RAPGEF1: variants seen among roughly 807,000 people sequenced by gnomAD.
The protein encoded by RAPGEF1 is CRK SH3-binding GNRP.
In RAPGEF1, 33 loss-of-function variants were observed where a neutral mutation model predicts 143.3. The ratio of observed to expected loss-of-function variants is 0.23; its 90% CI spans 0.17 to 0.31. RAPGEF1 has a LOEUF of 0.31. Ranked by LOEUF, RAPGEF1 falls within the 10% of genes least tolerant of loss-of-function variation. The pLI is 1.00. For synonymous variants in RAPGEF1, 629 were observed against 676.5 expected, an observed-to-expected ratio of 0.93 and a Z score of 1.09; for missense variants, 1,199 against 1,645.4, an observed-to-expected ratio of 0.73 and a Z score of 4.69.
intron 1 of RAPGEF1, among the ~76,000 whole-genome samples, chr9:131,689,447 A>G (rs1267824756): frequency 1.3e-5 from 2 of 152,244 alleles, no homozygotes; most frequent in East Asian, 3.8e-4. Flanking sequence ...AAGCATAAAT[A>G]TTAAGCATGA....
At chr9:131,653,983 T>C (rs1160164841) in intron 1 of RAPGEF1, among the ~76,000 whole-genome samples, 1 of 152,232 alleles carries the variant, frequency 6.6e-6, no homozygotes. Context: ...TACAACACAG[T>C]TGAACCTTGA....
chr9:131,707,967 C>T (rs200864892), intron 1 of RAPGEF1, among the ~76,000 whole-genome samples: 7 of 152,136 alleles, frequency 4.6e-5, no homozygotes, highest in Non-Finnish European at 7.3e-5. Flanking sequence ...CCCGAACTGT[C>T]CCCCAATGTC....
At chr9:131,597,526 C>T (rs1411228031) in intron 16 of RAPGEF1, among the ~76,000 whole-genome samples, 1 of 152,184 alleles carries the variant, frequency 6.6e-6, no homozygotes, top group African/African-American at 2.4e-5. Flanking sequence ...AAAACAGTTG[C>T]CTCCTGGTGC....
chr9:131,673,327 G>A (rs750394071), intron 1 of RAPGEF1, among the ~76,000 whole-genome samples: 28 of 152,218 alleles, frequency 1.8e-4, no homozygotes, highest in Non-Finnish European at 3.7e-4. Flanking sequence ...AAACATCAGT[G>A]TGTCCCAAAT....
intron 16 of RAPGEF1, among the ~76,000 whole-genome samples, chr9:131,596,768 G>A (rs1030905109): frequency 1.3e-5 from 2 of 152,164 alleles, no homozygotes; most frequent in African/African-American, 4.8e-5. Context: ...CCCCAGCCTT[G>A]CCCAGGATGC....
chr9:131,581,081 G>T (rs763070871), intron 25 of RAPGEF1, among the ~76,000 whole-genome samples: 2 of 152,082 alleles, frequency 1.3e-5, no homozygotes, highest in Non-Finnish European at 2.9e-5. Flanking sequence ...GGCGGAGGTT[G>T]CAGTGAGCCA....
chr9:131,627,836 G>T, intron 9 of RAPGEF1, 77 bp downstream of exon 9: 1 of 1,449,054 alleles, frequency 6.9e-7, no homozygotes, highest in Middle Eastern at 2.4e-4. Flanking sequence ...GCATGACCTG[G>T]GACTCCCACC....
At chr9:131,735,587 A>G (rs1335924781) in intron 1 of RAPGEF1, among the ~76,000 whole-genome samples, 1 of 152,232 alleles carries the variant, frequency 6.6e-6, no homozygotes, top group Admixed American at 6.5e-5. Flanking sequence ...GGGATGGAGT[A>G]ATGAGTCAAT....
intron 1 of RAPGEF1, among the ~76,000 whole-genome samples, chr9:131,733,192 T>C (rs1837191502): frequency 6.6e-6 from 1 of 152,082 alleles, no homozygotes; most frequent in African/African-American, 2.4e-5. Flanking sequence ...GGTTACCTAA[T>C]GGCCTTCTTA....
chr9:131,717,113 G>A (rs764849626), intron 1 of RAPGEF1, among the ~76,000 whole-genome samples: 6 of 152,264 alleles, frequency 3.9e-5, no homozygotes, highest in East Asian at 1.9e-4. Context: ...GGTAATGCCC[G>A]CACTGGGGAA....
At chr9:131,663,791 A>G (rs1286002616) in intron 1 of RAPGEF1, among the ~76,000 whole-genome samples, 2 of 152,190 alleles carry the variant, frequency 1.3e-5, no homozygotes, top group African/African-American at 4.8e-5. Flanking sequence ...CTCCACTGCA[A>G]TGATATAGTT....
At chr9:131,723,124 A>G (rs1836389432) in intron 1 of RAPGEF1, among the ~76,000 whole-genome samples, 2 of 151,464 alleles carry the variant, frequency 1.3e-5, no homozygotes, top group African/African-American at 4.9e-5. Context: ...AACCCAGCAG[A>G]CGGAGGCTGC....
intron 1 of RAPGEF1, among the ~76,000 whole-genome samples, chr9:131,730,236 C>T: frequency 6.7e-6 from 1 of 148,710 alleles, no homozygotes; most frequent in Admixed American, 6.7e-5. Context: ...TAACAAAGCC[C>T]AAAACAACAA....
intron 1 of RAPGEF1, among the ~76,000 whole-genome samples, chr9:131,733,402 G>A (rs1341619249): frequency 6.7e-6 from 1 of 149,904 alleles, no homozygotes; most frequent in African/African-American, 2.5e-5. Context: ...GGGGGCAGTG[G>A]CTACAGCTTA....
At chr9:131,620,274 CT>C (rs10708548) in intron 11 of RAPGEF1, among the ~76,000 whole-genome samples, 116,419 of 146,354 alleles carry the variant, frequency 0.8, 46,201 homozygotes, top group Non-Finnish European at 0.82. Context: ...TCAGCAATGG[CT>C]TTTTTTTTTT....
intron 1 of RAPGEF1, among the ~76,000 whole-genome samples, chr9:131,663,976 G>A (rs1035722471): frequency 6.6e-6 from 1 of 152,138 alleles, no homozygotes; most frequent in Non-Finnish European, 1.5e-5. Context: ...TTTATTGGCT[G>A]GCATTCCTTT....
At position 131,579,445 on chromosome 9, in the gene RAPGEF1, G is replaced by C. The variant is rs976164634; in HGVS notation, c.*52C>G. 2 of 1,594,916 alleles carry C rather than the reference G, an allele frequency of 1.3e-6. No individual in the cohort carries two copies. The highest frequency in any genetic ancestry group is 2.7e-5 in the African/African-American group (2 of 74,158). On this transcript the variant is annotated 3_prime_UTR_variant, in exon 27 of 27. Coordinates refer to ENST00000683357, the MANE Select transcript of RAPGEF1 (RefSeq NM_001377935.1). Reference sequence around the variant, plus strand: ...CAGGTCCAAGGTCCTCTCCGGTCTGGGAGCTGCCCTCTGCGCCCCTCGAGC... The same window carrying C: ...CAGGTCCAAGGTCCTCTCCGGTCTGCGAGCTGCCCTCTGCGCCCCTCGAGC...
At chr9:131,609,366 T>C (rs1020836117) in intron 12 of RAPGEF1, among the ~76,000 whole-genome samples, 1 of 152,132 alleles carries the variant, frequency 6.6e-6, no homozygotes, top group African/African-American at 2.4e-5. Flanking sequence ...GTGGCGTGGG[T>C]ATGGCTGATA....
intron 1 of RAPGEF1, among the ~76,000 whole-genome samples, chr9:131,720,675 T>C (rs1301807939): frequency 6.6e-6 from 1 of 152,184 alleles, no homozygotes; most frequent in Admixed American, 6.5e-5. Flanking sequence ...GTCACAAACA[T>C]CAAGCTTCTT....
Sources: allele counts gnomAD v4.1 joint callset (sites outside exome capture counted in the v4.1 genomes callset), GRCh38; gene constraint gnomAD v4.1.1; transcripts MANE v1.5; gene names NCBI Gene and HGNC (gene_info 2026-07-23, HGNC 2026-07-21).